The following PGM2 variants were observed in gnomAD, a reference collection of about 807,000 sequenced individuals.
PGM2 encodes the protein phosphoglucomutase 2, also known as phosphopentomutase.
In PGM2, 57 loss-of-function variants were observed where a neutral mutation model predicts 74.6. That is an observed-to-expected ratio of 0.76 (90% CI 0.62 to 0.95). PGM2 has a LOEUF of 0.95. Ranked by LOEUF, PGM2 falls within the 40% of genes least tolerant of loss-of-function variation. The pLI, the probability that PGM2 is intolerant of heterozygous loss-of-function variation, is 0.00. For synonymous variants in PGM2, 273 were observed against 260.7 expected, an observed-to-expected ratio of 1.05 and a Z score of -0.46; for missense variants, 706 against 741.9, an observed-to-expected ratio of 0.95 and a Z score of 0.56.
At chr4:37,830,160 C>G (rs755451900) in intron 2 of PGM2, 29 bp downstream of exon 2, 1 of 1,416,342 alleles carries the variant, frequency 7.1e-7, no homozygotes, top group Non-Finnish European at 9.5e-7. Flanking sequence ...TTCTTAGTAA[C>G]TCAATGTATC....
At chr4:37,852,834 G>A (rs184582970) in intron 12 of PGM2, among the ~76,000 whole-genome samples, 3 of 152,264 alleles carry the variant, frequency 2.0e-5, no homozygotes, top group Non-Finnish European at 4.4e-5. Context: ...ACAGTGATAT[G>A]CTATAGTATG....
intron 6 of PGM2, among the ~76,000 whole-genome samples, chr4:37,843,549 G>A (rs1036288099): frequency 1.3e-5 from 2 of 151,776 alleles, no homozygotes; most frequent in African/African-American, 4.8e-5. Flanking sequence ...CTAAGTCATG[G>A]CATGGTATCA....
At chr4:37,837,763 A>C in intron 4 of PGM2, 150 bp downstream of exon 4, 1 of 639,328 alleles carries the variant, frequency 1.6e-6, no homozygotes, top group Admixed American at 2.6e-5. Context: ...TCTCTCCTGG[A>C]ATGTTTCTCC....
At chr4:37,829,878 T>C in intron 1 of PGM2, 86 bp from the exon 2 acceptor site, 1 of 542,386 alleles carries the variant, frequency 1.8e-6, no homozygotes, top group Non-Finnish European at 3.0e-6. Flanking sequence ...ATATATTTTC[T>C]ATAGATTAGA....
At chr4:37,839,822 T>C in intron 4 of PGM2, 26 bp from the exon 5 acceptor site, 5 of 1,365,348 alleles carry the variant, frequency 3.7e-6, no homozygotes, top group Non-Finnish European at 5.2e-6. Flanking sequence ...AAAAACTGTT[T>C]GTTCTTGTTT....
chr4:37,836,160 A>G (rs907759795), intron 3 of PGM2, among the ~76,000 whole-genome samples: 4 of 152,246 alleles, frequency 2.6e-5, no homozygotes, highest in Non-Finnish European at 1.5e-5. Flanking sequence ...AACATTATCA[A>G]TTAAGGTACA....
intron 2 of PGM2, 67 bp downstream of exon 2, chr4:37,830,198 C>A (rs530701548): frequency 1.4e-5 from 15 of 1,075,444 alleles, no homozygotes; most frequent in Admixed American, 1.1e-4. Context: ...TTTGGCAGAC[C>A]TAATTTATTC....
chr4:37,826,697 C>G lies in PGM2; in HGVS notation c.-36C>G, dbSNP rs1204954041. Reference sequence around the variant, plus strand: ...CCGGGCCGGAAGGCAGATCTCACCGCCTGCTTCCCTCTGCAGCGGTAGCAC... The same window carrying G: ...CCGGGCCGGAAGGCAGATCTCACCGGCTGCTTCCCTCTGCAGCGGTAGCAC... On this transcript the variant is annotated 5_prime_UTR_variant, in exon 1 of 14. Coordinates refer to ENST00000381967, the MANE Select transcript of PGM2 (RefSeq NM_018290.4). The G allele has an allele frequency of 6.6e-7, 1 of 1,511,578 alleles. No homozygotes were observed. Among genetic ancestry groups the G allele is most frequent in the Admixed American group, 2.0e-5 (1 of 50,946 alleles). 93.6% of individuals were successfully genotyped at this position (1,511,578 alleles called of 1,614,324 possible). A position where few individuals can be genotyped will look rare whatever the true frequency, so the allele number is the denominator to read the frequency against.
chr4:37,839,519 A>G (rs1226337757), intron 4 of PGM2: 10 of 490,368 alleles, frequency 2.0e-5, no homozygotes, highest in South Asian at 1.5e-4. Context: ...TGTCTCAGGT[A>G]GAAGCATTGA....
chr4:37,850,608 C>T (rs1375090692), intron 12 of PGM2, among the ~76,000 whole-genome samples: 1 of 152,008 alleles, frequency 6.6e-6, no homozygotes, highest in Non-Finnish European at 1.5e-5. Context: ...CGAGACCAGC[C>T]TGGCCAACAC....
chr4:37,839,574 T>G (rs1725651799), intron 4 of PGM2: 2 of 574,254 alleles, frequency 3.5e-6, no homozygotes, highest in African/African-American at 3.7e-5. Flanking sequence ...TTTGAAGAAT[T>G]TTCTAGCTCT....
intron 3 of PGM2, among the ~76,000 whole-genome samples, chr4:37,835,030 C>T (rs1300008824): frequency 6.6e-6 from 1 of 152,074 alleles, no homozygotes; most frequent in South Asian, 2.1e-4. Flanking sequence ...ATTCATAAAC[C>T]TCATGACCCC....
intron 12 of PGM2, among the ~76,000 whole-genome samples, chr4:37,854,671 TA>T (rs35502897): frequency 4.0e-4 from 57 of 142,234 alleles, no homozygotes; most frequent in East Asian, 8.0e-4. Flanking sequence ...AAGCTTTATT[TA>T]AAAAAAAAAA....
At chr4:37,861,462 C>T (rs780103723) in intron 13 of PGM2, 48 bp from the exon 14 acceptor site, 34 of 1,273,234 alleles carry the variant, frequency 2.7e-5, no homozygotes, top group Non-Finnish European at 3.6e-5. Flanking sequence ...TTAAACTGTG[C>T]TTTGGAATAA....
chr4:37,857,190 A>C (rs1053471983), intron 13 of PGM2, among the ~76,000 whole-genome samples: 3 of 152,212 alleles, frequency 2.0e-5, no homozygotes, highest in Admixed American at 2.0e-4. Flanking sequence ...TTAAAAATTT[A>C]GTTTCTCAGT....
intron 8 of PGM2, 22 bp from the exon 9 acceptor site, chr4:37,846,906 GGTT>G (rs752392054): frequency 1.9e-5 from 30 of 1,564,710 alleles, no homozygotes; most frequent in South Asian, 3.6e-5. Flanking sequence ...AATGAATGGT[GGTT>G]GTTGTTTTTT....
At position 37,837,211 on chromosome 4, in the gene PGM2, A is replaced by G. The variant is rs1192237829; in HGVS notation, c.357-318A>G. Among the ~76,000 whole-genome samples, 3 of 152,192 alleles carry G rather than the reference A, an allele frequency of 2.0e-5. No individual in the cohort carries two copies. The East Asian group carries it at 5.8e-4, about 29-fold the overall frequency. On this transcript the variant is annotated intron_variant, in intron 3 of 13. Coordinates refer to ENST00000381967, the MANE Select transcript of PGM2 (RefSeq NM_018290.4). Reference sequence around the variant, plus strand: ...TGCAGACTTGCCCTGGCTGAGAACCACTGAGATAGACAGAGAGCTGAAAGG... The same window carrying G: ...TGCAGACTTGCCCTGGCTGAGAACCGCTGAGATAGACAGAGAGCTGAAAGG...
chr4:37,841,100 A>ATATGTG lies in PGM2; in HGVS notation c.719+842_719+843insATGTGT, dbSNP rs1202149456. Among the ~76,000 whole-genome samples the ATATGTG allele has an allele frequency of 6.8e-4, 79 of 115,748 alleles. 1 individual carries two copies. Among genetic ancestry groups the ATATGTG allele is most frequent in the South Asian group, 2.7e-3 (9 of 3,300 alleles). The allele number at this position is 115,748 out of a possible 152,430, so 75.9% of individuals were successfully genotyped here. A position where few individuals can be genotyped will look rare whatever the true frequency, so the allele number is the denominator to read the frequency against. On this transcript the variant is annotated intron_variant, in intron 6 of 13. Transcript: ENST00000381967. ...TATATATATATATATATATATATATATGTGTGTGTGTGTGTTTGTATATGT... is the reference window on the plus strand; with the variant it reads ...TATATATATATATATATATATATATATATGTGTGTGTGTGTGTGTGTTTGTATATGT...
intron 11 of PGM2, among the ~76,000 whole-genome samples, chr4:37,849,640 C>T (rs1186180548): frequency 2.6e-5 from 4 of 151,968 alleles, no homozygotes; most frequent in Non-Finnish European, 5.9e-5. Context: ...AACGCCTAAC[C>T]TCAGGTGATC....
Sources: gnomAD v4.1 joint callset for allele counts (sites outside exome capture counted in the v4.1 genomes callset) on GRCh38, gnomAD v4.1.1 for gene constraint, MANE v1.5 for transcripts, NCBI Gene and HGNC (gene_info 2026-07-23, HGNC 2026-07-21) for gene names.